TBC1D22A: variants seen among roughly 807,000 people sequenced by gnomAD.
The protein encoded by TBC1D22A is TBC1 domain family member 22A, also known as putative GTPase activator.
Under a neutral mutation model 60.2 loss-of-function variants are expected in TBC1D22A, and 38 were observed. The observed-to-expected ratio is 0.63, with a 90% CI of 0.49 to 0.83. TBC1D22A has a LOEUF of 0.83. Ranked by LOEUF, TBC1D22A falls within the 40% of genes least tolerant of loss-of-function variation. TBC1D22A has a pLI of 0.00. For missense variants in TBC1D22A, 628 were observed against 701.0 expected (o/e 0.90, Z 1.18); for synonymous variants, 302 against 281.7 (o/e 1.07, Z -0.72).
intron 8 of TBC1D22A, among the ~76,000 whole-genome samples, chr22:46,934,382 C>T (rs139113454): frequency 8.5e-4 from 129 of 152,292 alleles, no homozygotes; most frequent in African/African-American, 2.1e-3. Flanking sequence ...CGCGTGGGCA[C>T]GCACCCTTTC....
chr22:46,955,116 T>G (rs1406117995), intron 8 of TBC1D22A, among the ~76,000 whole-genome samples: 1 of 152,204 alleles, frequency 6.6e-6, no homozygotes, highest in Admixed American at 6.5e-5. Flanking sequence ...TGCTATGCTG[T>G]GGGGTCATTA....
chr22:46,846,053 T>C (rs1043194974), intron 4 of TBC1D22A, among the ~76,000 whole-genome samples: 4 of 152,246 alleles, frequency 2.6e-5, no homozygotes, highest in African/African-American at 9.6e-5. Flanking sequence ...TAGACATCCA[T>C]CTGTCTGGGA....
At chr22:46,978,749 C>T (rs1026832754) in intron 9 of TBC1D22A, among the ~76,000 whole-genome samples, 1 of 152,108 alleles carries the variant, frequency 6.6e-6, no homozygotes, top group East Asian at 1.9e-4. Context: ...GCTGGAATTA[C>T]AGGCACACGC....
intron 1 of TBC1D22A, among the ~76,000 whole-genome samples, chr22:46,764,632 G>C (rs1017747051): frequency 1.3e-5 from 2 of 152,166 alleles, no homozygotes; most frequent in African/African-American, 4.8e-5. Flanking sequence ...AAGTAATCAA[G>C]GTAAAATGAG....
chr22:46,897,440 T>A (rs2068734862), intron 7 of TBC1D22A, among the ~76,000 whole-genome samples: 1 of 152,122 alleles, frequency 6.6e-6, no homozygotes, highest in Admixed American at 6.5e-5. Context: ...AATCAGAGGC[T>A]GAAGTCACAA....
At chr22:47,066,539 G>A (rs566282175) in intron 11 of TBC1D22A, among the ~76,000 whole-genome samples, 33 of 152,346 alleles carry the variant, frequency 2.2e-4, no homozygotes, top group African/African-American at 6.7e-4. Flanking sequence ...GAGGGACCAA[G>A]CGTGTGCGGA....
Position 47,040,968 on chromosome 22 carries a change from G to A in TBC1D22A, c.1329+3770G>A, listed in dbSNP as rs5769296. ...TCAGGGCTGCGGGTACACCTGAAACGGTTACTTACGCTGCTTTAGAATGGC... is the reference window on the plus strand; with the variant it reads ...TCAGGGCTGCGGGTACACCTGAAACAGTTACTTACGCTGCTTTAGAATGGC... On this transcript the variant is annotated intron_variant, in intron 11 of 12. Transcript: ENST00000337137. Among the ~76,000 whole-genome samples the A allele has an allele frequency of 6.4e-3, 971 of 152,250 alleles. 13 individuals are homozygous for A. The East Asian group carries it at 0.077, about 12-fold the overall frequency.
At chr22:47,042,749 T>C (rs759356792) in intron 11 of TBC1D22A, among the ~76,000 whole-genome samples, 17 of 152,340 alleles carry the variant, frequency 1.1e-4, no homozygotes, top group African/African-American at 4.1e-4. Flanking sequence ...TTGAGGCACA[T>C]CTCCCAGAGG....
At chr22:46,807,531 C>G (rs2085200606) in intron 4 of TBC1D22A, among the ~76,000 whole-genome samples, 1 of 152,194 alleles carries the variant, frequency 6.6e-6, no homozygotes, top group Non-Finnish European at 1.5e-5. Flanking sequence ...CACGCTGGCA[C>G]TACTTGGCAC....
intron 11 of TBC1D22A, among the ~76,000 whole-genome samples, chr22:47,048,871 C>G (rs1371010699): frequency 6.6e-6 from 1 of 152,218 alleles, no homozygotes; most frequent in African/African-American, 2.4e-5. Flanking sequence ...CTGGGGCACA[C>G]CTGACTGCCC....
intron 11 of TBC1D22A, among the ~76,000 whole-genome samples, chr22:47,068,468 A>G (rs776802927): frequency 2.6e-5 from 4 of 152,216 alleles, no homozygotes; most frequent in Non-Finnish European, 5.9e-5. Flanking sequence ...GGGGACTTTG[A>G]TGTTACGACT....
At chr22:46,868,825 T>C (rs1185344641) in intron 4 of TBC1D22A, among the ~76,000 whole-genome samples, 1 of 152,230 alleles carries the variant, frequency 6.6e-6, no homozygotes, top group African/African-American at 2.4e-5. Context: ...TTGTTTGTGA[T>C]GTTGTAACTC....
chr22:46,890,319 C>T (rs1050495226), intron 5 of TBC1D22A, among the ~76,000 whole-genome samples: 1 of 152,070 alleles, frequency 6.6e-6, no homozygotes, highest in Non-Finnish European at 1.5e-5. Context: ...GCCTGGGCGA[C>T]AGAGTGAGAC....
At chr22:47,000,503 T>C (rs1278616975) in intron 10 of TBC1D22A, among the ~76,000 whole-genome samples, 1 of 152,138 alleles carries the variant, frequency 6.6e-6, no homozygotes, top group Non-Finnish European at 1.5e-5. Flanking sequence ...GTGCTGAGAA[T>C]GAAGAGAGAG....
Position 47,064,390 on chromosome 22 carries a change from G to A in TBC1D22A, c.1329+27192G>A, listed in dbSNP as rs115580085. On this transcript the variant is annotated intron_variant, in intron 11 of 12. Transcript: ENST00000337137. Reference sequence around the variant, plus strand: ...TAGAAAACCAGAATCCCTGTTGCACGTCTCTGCAGATGGAGCTGTTCAGCT... The same window carrying A: ...TAGAAAACCAGAATCCCTGTTGCACATCTCTGCAGATGGAGCTGTTCAGCT... Among the ~76,000 whole-genome samples, 558 of 152,380 alleles carry A rather than the reference G, an allele frequency of 3.7e-3. 2 individuals are homozygous for A. Among genetic ancestry groups the A allele is most frequent in the African/African-American group, 0.013 (523 of 41,598 alleles).
At chr22:46,978,044 G>A (rs1375752964) in intron 9 of TBC1D22A, among the ~76,000 whole-genome samples, 8 of 152,230 alleles carry the variant, frequency 5.3e-5, no homozygotes, top group East Asian at 1.9e-4. Context: ...CTCCAGGAGC[G>A]AACAGCGCTG....
rs1003403092 is a variant in TBC1D22A, at chr22:46,925,483, C to G, written c.1015+13295C>G. Among the ~76,000 whole-genome samples the G allele has an allele frequency of 1.6e-4, 24 of 152,286 alleles. 1 individual carries two copies. ...TCATTTTTTCTAGTTAAAAACATTT[C>G]GGAAATAATTAGTGTAATGGACTTA... On this transcript the variant is annotated intron_variant, in intron 8 of 12. Transcript: ENST00000337137.
chr22:47,108,850 C>T (rs2065737687), intron 11 of TBC1D22A, among the ~76,000 whole-genome samples: 1 of 152,212 alleles, frequency 6.6e-6, no homozygotes, highest in Non-Finnish European at 1.5e-5. Context: ...CACCCGCCAC[C>T]ATGCCCAGCT....
intron 10 of TBC1D22A, among the ~76,000 whole-genome samples, chr22:47,024,066 G>C (rs111746341): frequency 2.0e-5 from 3 of 152,206 alleles, no homozygotes; most frequent in Admixed American, 2.0e-4. Context: ...GAGCGTAGGC[G>C]TCGGCAGGGA....
Sources: gnomAD v4.1 joint callset for allele counts (sites outside exome capture counted in the v4.1 genomes callset) on GRCh38, gnomAD v4.1.1 for gene constraint, MANE v1.5 for transcripts, NCBI Gene and HGNC (gene_info 2026-07-23, HGNC 2026-07-21) for gene names.